Variants in NRG3 observed in about 807,000 individuals in gnomAD.
NRG3 encodes neuregulin 3.
A neutral mutation model predicts 66.9 loss-of-function variants in NRG3; 31 were observed. The ratio of observed to expected loss-of-function variants is 0.46; its 90% CI spans 0.35 to 0.63. The LOEUF (loss-of-function observed/expected upper bound fraction) is 0.63, where lower values mean the gene tolerates loss of function less well. NRG3 is among the 20% of genes least tolerant of loss of function. The probability of loss-of-function intolerance (pLI) is 0.00; values close to 1 mark genes in which losing one functional copy is unlikely to be tolerated. For synonymous variants in NRG3, 393 were observed against 359.4 expected (o/e 1.09, Z -1.06); for missense variants, 910 against 878.9 (o/e 1.04, Z -0.45).
chr10:81,952,373 G>T (rs1396842915), intron 1 of NRG3, among the ~76,000 whole-genome samples: 2 of 151,992 alleles, frequency 1.3e-5, no homozygotes, highest in African/African-American at 4.8e-5. Context: ...ATTGAAGTGT[G>T]CTTGTGTGTG....
chr10:82,752,286 TA>T (rs1365456351), intron 3 of NRG3, among the ~76,000 whole-genome samples: 1 of 152,150 alleles, frequency 6.6e-6, no homozygotes, highest in Non-Finnish European at 1.5e-5. Flanking sequence ...AGGTTTACAA[TA>T]AAATGTATTC....
At chr10:82,138,547 G>A (rs2132609731) in intron 1 of NRG3, among the ~76,000 whole-genome samples, 1 of 152,264 alleles carries the variant, frequency 6.6e-6, no homozygotes, top group African/African-American at 2.4e-5. Flanking sequence ...AGAACTAATA[G>A]GATACATGTA....
At chr10:82,762,293 T>C (rs945758079) in intron 3 of NRG3, among the ~76,000 whole-genome samples, 1 of 152,004 alleles carries the variant, frequency 6.6e-6, no homozygotes, top group African/African-American at 2.4e-5. Context: ...CAGCCACAAA[T>C]AGAAATTTTC....
chr10:82,978,444 TA>T (rs540308949), intron 7 of NRG3, among the ~76,000 whole-genome samples: 266 of 152,358 alleles, frequency 1.7e-3, no homozygotes, highest in Non-Finnish European at 3.0e-3. Flanking sequence ...ACAGGGAATT[TA>T]ACACATATGT....
chr10:82,908,999 T>C (rs895667495), intron 4 of NRG3, among the ~76,000 whole-genome samples: 2 of 152,204 alleles, frequency 1.3e-5, no homozygotes, highest in African/African-American at 2.4e-5. Context: ...CCCAGATGAC[T>C]GTAGCTCCCG....
intron 1 of NRG3, among the ~76,000 whole-genome samples, chr10:82,085,086 A>C (rs1375104673): frequency 6.6e-6 from 1 of 152,158 alleles, no homozygotes; most frequent in African/African-American, 2.4e-5. Flanking sequence ...AGCACTCGCT[A>C]TTACAAAGGG....
intron 2 of NRG3, among the ~76,000 whole-genome samples, chr10:82,684,852 A>C (rs761590134): frequency 5.2e-4 from 79 of 152,296 alleles, no homozygotes; most frequent in Non-Finnish European, 9.3e-4. Flanking sequence ...CCAGAAAAAA[A>C]ACTGACTAAA....
intron 2 of NRG3, among the ~76,000 whole-genome samples, chr10:82,526,071 A>C (rs949452787): frequency 4.6e-5 from 7 of 151,976 alleles, no homozygotes; most frequent in Non-Finnish European, 1.0e-4. Flanking sequence ...ACACAGTCTA[A>C]GTTAGCGAGC....
intron 2 of NRG3, among the ~76,000 whole-genome samples, chr10:82,396,409 A>T (rs7081775): frequency 6.6e-6 from 1 of 151,956 alleles, no homozygotes; most frequent in African/African-American, 2.4e-5. Context: ...CCACTTCCAG[A>T]TTTATTACTC....
chr10:82,496,409 G>A (rs983921385), intron 2 of NRG3, among the ~76,000 whole-genome samples: 1 of 152,080 alleles, frequency 6.6e-6, no homozygotes, highest in South Asian at 2.1e-4. Flanking sequence ...TTTTCTTTAT[G>A]TACAGTATCT....
chr10:82,447,221 G>T (rs866820522), intron 2 of NRG3, among the ~76,000 whole-genome samples: 18 of 152,146 alleles, frequency 1.2e-4, no homozygotes, highest in South Asian at 4.1e-4. Flanking sequence ...GTGCCAAAAC[G>T]AGCTTCTTTC....
At chr10:82,184,881 T>C (rs921896202) in intron 1 of NRG3, among the ~76,000 whole-genome samples, 31 of 152,118 alleles carry the variant, frequency 2.0e-4, no homozygotes, top group African/African-American at 7.5e-4. Context: ...GAAAGTCTCA[T>C]CCCTGTGAGC....
At chr10:82,480,253 G>C (rs1015931037) in intron 2 of NRG3, among the ~76,000 whole-genome samples, 1 of 152,028 alleles carries the variant, frequency 6.6e-6, no homozygotes, top group Non-Finnish European at 1.5e-5. Flanking sequence ...TTTTTGCAGT[G>C]GGAAATATCT....
chr10:82,048,640 G>A (rs2063433670), intron 1 of NRG3, among the ~76,000 whole-genome samples: 1 of 151,160 alleles, frequency 6.6e-6, no homozygotes, highest in Non-Finnish European at 1.5e-5. Context: ...GCCCACAAGA[G>A]AAAGCAGGAA....
intron 2 of NRG3, among the ~76,000 whole-genome samples, chr10:82,524,632 T>C (rs1028321594): frequency 6.6e-6 from 1 of 152,074 alleles, no homozygotes; most frequent in African/African-American, 2.4e-5. Flanking sequence ...TGAGTTCCAG[T>C]AACATATTCA....
intron 1 of NRG3, among the ~76,000 whole-genome samples, chr10:82,168,329 G>T (rs894729483): frequency 6.6e-6 from 1 of 152,002 alleles, no homozygotes; most frequent in African/African-American, 2.4e-5. Context: ...TTCTCTCTTG[G>T]AAGATCCCAG....
At chr10:82,650,264 G>A (rs1169355853) in intron 2 of NRG3, among the ~76,000 whole-genome samples, 1 of 152,126 alleles carries the variant, frequency 6.6e-6, no homozygotes, top group Non-Finnish European at 1.5e-5. Context: ...AATTGTTACA[G>A]CAACCTTAAG....
At chr10:82,277,188 C>T (rs921307579) in intron 1 of NRG3, among the ~76,000 whole-genome samples, 8 of 151,908 alleles carry the variant, frequency 5.3e-5, no homozygotes, top group African/African-American at 1.9e-4. Flanking sequence ...AAGCCTTTAA[C>T]CCAGAAAGGC....
chr10:82,974,060 A>G, intron 7 of NRG3, 145 bp downstream of exon 7: 2 of 847,232 alleles, frequency 2.4e-6, no homozygotes, highest in Non-Finnish European at 3.6e-6. Context: ...ATGCTCAAAC[A>G]CCTCACATCA....
Sources: allele counts gnomAD v4.1 joint callset (sites outside exome capture counted in the v4.1 genomes callset), GRCh38; gene constraint gnomAD v4.1.1; transcripts MANE v1.5; gene names NCBI Gene and HGNC (gene_info 2026-07-23, HGNC 2026-07-21).